The following FGGY variants were observed in gnomAD, a reference collection of about 807,000 sequenced individuals.
The protein encoded by FGGY is FGGY carbohydrate kinase domain containing, also known as FGGY carbohydrate kinase domain-containing protein.
Under a neutral mutation model 71.3 loss-of-function variants are expected in FGGY, and 72 were observed. The ratio of observed to expected loss-of-function variants is 1.01; its 90% CI spans 0.84 to 1.23. The LOEUF is 1.23. FGGY is among the 50% of genes most tolerant of loss of function. The pLI is 0.00. For synonymous variants in FGGY, 251 were observed against 250.3 expected, an observed-to-expected ratio of 1.00 and a Z score of -0.02; for missense variants, 668 against 682.3, an observed-to-expected ratio of 0.98 and a Z score of 0.23.
At chr1:59,481,699 C>G (rs1382982590) in intron 6 of FGGY, among the ~76,000 whole-genome samples, 1 of 152,108 alleles carries the variant, frequency 6.6e-6, no homozygotes, top group Non-Finnish European at 1.5e-5. Context: ...AGCAGTTTAA[C>G]TGAGACATAC....
intron 7 of FGGY, among the ~76,000 whole-genome samples, chr1:59,527,118 C>T (rs1482612086): frequency 5.3e-5 from 8 of 152,188 alleles, no homozygotes; most frequent in Admixed American, 6.5e-5. Context: ...GAATATTCTT[C>T]GTTATCAAGC....
chr1:59,342,659 G>A (rs2050948793), intron 3 of FGGY, among the ~76,000 whole-genome samples: 2 of 152,124 alleles, frequency 1.3e-5, no homozygotes, highest in Admixed American at 1.3e-4. Flanking sequence ...GTGGTTTGAA[G>A]GTTCTTTAGA....
intron 6 of FGGY, among the ~76,000 whole-genome samples, chr1:59,485,471 C>T (rs61786968): frequency 1.1e-3 from 165 of 152,286 alleles, no homozygotes; most frequent in African/African-American, 3.5e-3. Flanking sequence ...GGGGGACAGA[C>T]GCCATACTCC....
Position 59,725,959 on chromosome 1 carries a change from G to A in FGGY, c.1513-31972G>A, listed in dbSNP as rs2225898. Among the ~76,000 whole-genome samples the A allele has an allele frequency of 2.1e-3, 327 of 152,240 alleles. 3 individuals carry two copies. The highest frequency in any genetic ancestry group is 7.7e-3 in the African/African-American group (319 of 41,548). On this transcript the variant is annotated intron_variant, in intron 14 of 15. Transcript: ENST00000303721. ...AGACTTCCAGTACAGTCTTGAATAG[G>A]AGTGGTGAGAAAGGACATTCTTGCT...
intron 5 of FGGY, among the ~76,000 whole-genome samples, chr1:59,421,902 A>G (rs930695698): frequency 6.6e-6 from 1 of 152,108 alleles, no homozygotes; most frequent in African/African-American, 2.4e-5. Flanking sequence ...AGTTAAGGAC[A>G]CTTCCTTTTT....
Position 59,651,325 on chromosome 1 carries a change from T to C in FGGY, c.1222-8894T>C, listed in dbSNP as rs544925664. On this transcript the variant is annotated intron_variant, in intron 11 of 15. Coordinates refer to ENST00000303721, the MANE Select transcript of FGGY (RefSeq NM_018291.5). ...GTATCCTTGTTGACTTTCTGTCTCG[T>C]TGATCTGTCTAATGTTGACAGTGGG... 1.4e-3 allele frequency among the ~76,000 whole-genome samples: 214 copies of C among 151,416 alleles called. 1 individual carries two copies. The highest frequency in any genetic ancestry group is 5.0e-3 in the African/African-American group (204 of 41,142).
intron 8 of FGGY, among the ~76,000 whole-genome samples, chr1:59,598,027 G>A (rs1032820533): frequency 6.6e-6 from 1 of 152,138 alleles, no homozygotes; most frequent in Non-Finnish European, 1.5e-5. Flanking sequence ...CTACCTCCTC[G>A]TTAGCTCTCT....
At chr1:59,621,734 C>T (rs2096809880) in intron 9 of FGGY, among the ~76,000 whole-genome samples, 1 of 151,454 alleles carries the variant, frequency 6.6e-6, no homozygotes, top group African/African-American at 2.4e-5. Context: ...TCATTTTTTT[C>T]CTCTGGCTGC....
chr1:59,760,078 G>A (rs1175770256), intron 15 of FGGY, among the ~76,000 whole-genome samples: 1 of 152,120 alleles, frequency 6.6e-6, no homozygotes, highest in Non-Finnish European at 1.5e-5. Flanking sequence ...ATATATAAAT[G>A]TATAAAGAAC....
chr1:59,467,628 T>A (rs1292082265), intron 6 of FGGY, among the ~76,000 whole-genome samples: 2 of 152,172 alleles, frequency 1.3e-5, no homozygotes, highest in East Asian at 3.8e-4. Context: ...ACAATAATTG[T>A]CTTTTACTGC....
intron 7 of FGGY, among the ~76,000 whole-genome samples, chr1:59,517,475 C>T (rs2094696001): frequency 1.3e-5 from 2 of 151,894 alleles, no homozygotes; most frequent in East Asian, 3.9e-4. Flanking sequence ...CCGTTTTAGC[C>T]GGGATGGTCT....
At chr1:59,627,609 A>G (rs1290543532) in intron 10 of FGGY, among the ~76,000 whole-genome samples, 1 of 151,760 alleles carries the variant, frequency 6.6e-6, no homozygotes, top group African/African-American at 2.4e-5. Flanking sequence ...CTTGGAAGCA[A>G]TGACACGATA....
chr1:59,469,865 CTG>C (rs2153542424), intron 6 of FGGY, among the ~76,000 whole-genome samples: 1 of 152,202 alleles, frequency 6.6e-6, no homozygotes, highest in Admixed American at 6.5e-5. Flanking sequence ...TTTTCTGTTC[CTG>C]TGTTAGTTGC....
intron 6 of FGGY, among the ~76,000 whole-genome samples, chr1:59,464,656 C>A (rs911274292): frequency 6.6e-6 from 1 of 151,918 alleles, no homozygotes; most frequent in Non-Finnish European, 1.5e-5. Context: ...AGAGAAGAAT[C>A]AAATAGATGC....
At chr1:59,448,013 TC>T (rs2071711498) in intron 5 of FGGY, among the ~76,000 whole-genome samples, 1 of 151,982 alleles carries the variant, frequency 6.6e-6, no homozygotes, top group African/African-American at 2.4e-5. Flanking sequence ...ATCCTCACTT[TC>T]AGGGGTGGTG....
chr1:59,595,619 G>A (rs999852613), intron 8 of FGGY, among the ~76,000 whole-genome samples: 4 of 152,126 alleles, frequency 2.6e-5, no homozygotes, highest in African/African-American at 9.7e-5. Flanking sequence ...GAACCCAGGA[G>A]GCAGAAGTTG....
intron 7 of FGGY, among the ~76,000 whole-genome samples, chr1:59,546,591 G>A (rs1467444323): frequency 2.0e-5 from 3 of 151,776 alleles, no homozygotes; most frequent in African/African-American, 4.8e-5. Context: ...GTGCAATGGC[G>A]CGATCTCGGC....
chr1:59,734,153 T>C (rs1387729659), intron 14 of FGGY, among the ~76,000 whole-genome samples: 1 of 152,218 alleles, frequency 6.6e-6, no homozygotes. Flanking sequence ...CTTTTCTTTT[T>C]CTTTTTATTT....
chr1:59,717,735 T>C (rs919850803), intron 14 of FGGY, among the ~76,000 whole-genome samples: 18 of 152,340 alleles, frequency 1.2e-4, no homozygotes, highest in African/African-American at 4.3e-4. Flanking sequence ...GTCTCACGGC[T>C]ACTGGCACTA....
Sources: gnomAD v4.1 joint callset for allele counts (sites outside exome capture counted in the v4.1 genomes callset) on GRCh38, gnomAD v4.1.1 for gene constraint, MANE v1.5 for transcripts, NCBI Gene and HGNC (gene_info 2026-07-23, HGNC 2026-07-21) for gene names.